The following OSBPL9 variants were observed in gnomAD, a reference collection of about 807,000 sequenced individuals.
OSBPL9 encodes oxysterol binding protein like 9, also known as oxysterol-binding protein-related protein 9.
In OSBPL9, 40 loss-of-function variants were observed where a neutral mutation model predicts 106.6. The ratio of observed to expected loss-of-function variants is 0.38; its 90% CI spans 0.29 to 0.49. The LOEUF (loss-of-function observed/expected upper bound fraction) is 0.49. Among genes scored for constraint, OSBPL9 ranks in the 20% least tolerant of loss-of-function variants. OSBPL9 has a pLI of 0.97. For missense variants in OSBPL9, 609 were observed against 887.2 expected (o/e 0.69, Z 3.98); for synonymous variants, 269 against 295.4 (o/e 0.91, Z 0.92).
chr1:51,705,399 A>ATTTAT (rs1658290505), intron 3 of OSBPL9, among the ~76,000 whole-genome samples: 1 of 40,450 alleles, frequency 2.5e-5, no homozygotes, highest in Admixed American at 4.6e-4. Flanking sequence ...ATATATATAT[A>ATTTAT]TTTTTTTTTT....
chr1:51,596,711 C>T (rs541440500), intron 1 of OSBPL9, among the ~76,000 whole-genome samples: 21 of 151,758 alleles, frequency 1.4e-4, no homozygotes, highest in Non-Finnish European at 2.1e-4. Context: ...ACCCGGGAGG[C>T]GGAGGTTGCA....
intron 7 of OSBPL9, among the ~76,000 whole-genome samples, chr1:51,748,902 A>T (rs368193965): frequency 6.6e-6 from 1 of 152,148 alleles, no homozygotes; most frequent in Admixed American, 6.5e-5. Flanking sequence ...ACTGACCAAC[A>T]TGGATAAACC....
At chr1:51,613,833 C>T (rs111953916), upstream of OSBPL9, among the ~76,000 whole-genome samples, 1,089 of 151,994 alleles carry the variant, frequency 7.2e-3, 9 homozygotes, top group African/African-American at 0.025. Flanking sequence ...CCTTGACCTC[C>T]TGGGCTCAAG....
At chr1:51,765,335 T>G (rs1297025708) in intron 11 of OSBPL9, among the ~76,000 whole-genome samples, 2 of 152,220 alleles carry the variant, frequency 1.3e-5, no homozygotes, top group African/African-American at 2.4e-5. Flanking sequence ...ATTTTCCATG[T>G]GATTGCCAAA....
the OSBPL9 span, among the ~76,000 whole-genome samples, chr1:51,541,886 C>T: frequency 6.7e-6 from 1 of 149,722 alleles, no homozygotes; most frequent in Non-Finnish European, 1.5e-5. Flanking sequence ...ATTTACCCAG[C>T]CTTTTTTTTT....
At chr1:51,529,971 A>C in the OSBPL9 span, among the ~76,000 whole-genome samples, 143 of 151,640 alleles carry the variant, frequency 9.4e-4, 1 homozygote, top group African/African-American at 3.4e-3. Context: ...GGAGATCGAG[A>C]CCATCCTGGC....
At chr1:51,540,958 CAA>C in the OSBPL9 span, among the ~76,000 whole-genome samples, 2 of 115,930 alleles carry the variant, frequency 1.7e-5, no homozygotes, top group Non-Finnish European at 1.8e-5. Context: ...GACTCCATCT[CAA>C]AAAAAAAAAA....
intron 1 of OSBPL9, among the ~76,000 whole-genome samples, chr1:51,622,800 T>C (rs1644523597): frequency 6.6e-6 from 1 of 152,234 alleles, no homozygotes; most frequent in Non-Finnish European, 1.5e-5. Context: ...TCTGCCTTAT[T>C]CTGTTCATTA....
chr1:51,693,691 C>T (rs1230857606), intron 3 of OSBPL9, among the ~76,000 whole-genome samples: 1 of 152,160 alleles, frequency 6.6e-6, no homozygotes, highest in South Asian at 2.1e-4. Flanking sequence ...TCTCTCTCCT[C>T]ACCTCTTTTT....
At chr1:51,691,441 G>A (rs1046379314) in intron 3 of OSBPL9, among the ~76,000 whole-genome samples, 10 of 151,546 alleles carry the variant, frequency 6.6e-5, no homozygotes, top group Middle Eastern at 3.4e-3. Flanking sequence ...CACCATGCCC[G>A]GCTAGTTTTT....
intron 2 of OSBPL9, among the ~76,000 whole-genome samples, chr1:51,599,909 G>T (rs1016468875): frequency 2.6e-5 from 4 of 152,210 alleles, no homozygotes; most frequent in Non-Finnish European, 5.9e-5. Flanking sequence ...TGCTTCCAAG[G>T]TGGTGCCTCT....
chr1:51,785,236 T>C, intron 20 of OSBPL9: 1 of 155,138 alleles, frequency 6.4e-6, no homozygotes, highest in Non-Finnish European at 1.4e-5. Context: ...CAATCCTGTT[T>C]ATGCCTTGCC....
chr1:51,669,615 C>T (rs753749201), intron 3 of OSBPL9, 103 bp downstream of exon 3: 3 of 1,086,756 alleles, frequency 2.8e-6, no homozygotes, highest in Non-Finnish European at 4.2e-6. Context: ...GCAACTGATC[C>T]TGCATGAACG....
chr1:51,577,798 T>G lies in OSBPL9; in HGVS notation c.-423+542T>G, dbSNP rs538492939. 2.0e-5 allele frequency among the ~76,000 whole-genome samples: 3 copies of G among 152,280 alleles called. No individual in the cohort carries two copies. The East Asian group carries it at 5.8e-4, about 29-fold the overall frequency. On this transcript the variant is annotated intron_variant, in intron 1 of 25. Coordinates refer to the OSBPL9 transcript ENST00000371714. ...TCCTGTTTTTTCCTCATTCAAAAGA[T>G]AGAGAAACAGAAGCTCAGAATCTTG...
intron 22 of OSBPL9, among the ~76,000 whole-genome samples, chr1:51,787,031 TAAACTGA>T (rs1677809769): frequency 6.6e-6 from 1 of 152,146 alleles, no homozygotes; most frequent in African/African-American, 2.4e-5. Context: ...CCTACAGAGG[TAAACTGA>T]TTGACCCAGA....
At chr1:51,730,762 A>G (rs928462583) in intron 4 of OSBPL9, among the ~76,000 whole-genome samples, 1 of 152,178 alleles carries the variant, frequency 6.6e-6, no homozygotes, top group Non-Finnish European at 1.5e-5. Context: ...TTGAAGTAAT[A>G]CTTTGTTTTG....
At chr1:51,700,292 C>T (rs1656957836) in intron 3 of OSBPL9, among the ~76,000 whole-genome samples, 1 of 152,192 alleles carries the variant, frequency 6.6e-6, no homozygotes, top group South Asian at 2.1e-4. Context: ...TGTGCCTTTA[C>T]ATGATGCATG....
chr1:51,669,699 C>T lies in OSBPL9; in HGVS notation c.241+187C>T, dbSNP rs924946155. On this transcript the variant is annotated intron_variant, in intron 3 of 23. Transcript: ENST00000428468. ...ATTTGTATCTGCAATGGATGTAGAT[C>T]GATTTGAAACGACTGTGGATCTGGC... The T allele has an allele frequency of 2.9e-5, 19 of 652,936 alleles. No individual in the cohort carries two copies. The African/African-American group carries it at 3.2e-4, about 11-fold the overall frequency. 40.4% of individuals were successfully genotyped at this position (652,936 alleles called of 1,614,324 possible).
At chr1:51,665,190 G>A (rs1477554932) in intron 2 of OSBPL9, among the ~76,000 whole-genome samples, 1 of 152,176 alleles carries the variant, frequency 6.6e-6, no homozygotes, top group Non-Finnish European at 1.5e-5. Context: ...TGTTTCCCAG[G>A]CTGGAGTGCA....
Sources: allele counts gnomAD v4.1 joint callset (sites outside exome capture counted in the v4.1 genomes callset), GRCh38; gene constraint gnomAD v4.1.1; transcripts MANE v1.5; gene names NCBI Gene and HGNC (gene_info 2026-07-23, HGNC 2026-07-21).